TM9SF2: variants seen among roughly 807,000 people sequenced by gnomAD.
The protein encoded by TM9SF2 is 76 kDa membrane protein.
Under a neutral mutation model 84.9 loss-of-function variants are expected in TM9SF2, and 13 were observed. That is an observed-to-expected ratio of 0.15 (90% CI 0.10 to 0.24). TM9SF2 has a LOEUF of 0.24. Ranked by LOEUF, TM9SF2 falls within the 10% of genes least tolerant of loss-of-function variation. TM9SF2 has a pLI of 1.00. For synonymous variants in TM9SF2, 273 were observed against 285.8 expected (o/e 0.96, Z 0.45); for missense variants, 562 against 818.5 (o/e 0.69, Z 3.82).
intron 8 of TM9SF2, among the ~76,000 whole-genome samples, 160 bp downstream of exon 8, chr13:99,540,953 C>G (rs2046256618): frequency 6.6e-6 from 1 of 152,254 alleles, no homozygotes; most frequent in Non-Finnish European, 1.5e-5. Context: ...CAGCAGGTCC[C>G]TTAATTTCTC....
At position 99,520,046 on chromosome 13, in the gene TM9SF2, T is replaced by G; in HGVS notation, c.250T>G (p.Cys84Gly). The change falls in exon 3 of 17, where the codon TGC becomes GGC. Residue 84 changes from cysteine (C) to glycine (G), a missense_variant. Physicochemically the swap from Cys to Gly is radical, Grantham distance 159. Coordinates refer to ENST00000376387, the MANE Select transcript of TM9SF2 (RefSeq NM_004800.3). ...LPYEYTAFDF[C>G]QASEGKRPSE... Reference sequence around the variant, plus strand: ...ATATTCTTCTCCCAGGTTTGATTTTTGCCAAGCATCAGAAGGAAAGCGCCC... The same window carrying G: ...ATATTCTTCTCCCAGGTTTGATTTTGGCCAAGCATCAGAAGGAAAGCGCCC... The G allele has an allele frequency of 6.2e-7, 1 of 1,612,980 alleles. No homozygotes were observed. The highest frequency in any genetic ancestry group is 8.5e-7 in the Non-Finnish European group (1 of 1,179,680).
At chr13:99,512,936 A>G (rs183663337) in intron 1 of TM9SF2, among the ~76,000 whole-genome samples, 1 of 152,344 alleles carries the variant, frequency 6.6e-6, no homozygotes, top group African/African-American at 2.4e-5. Flanking sequence ...TGCTAGTGGT[A>G]CAAATCTCTG....
intron 16 of TM9SF2, among the ~76,000 whole-genome samples, chr13:99,562,116 C>T (rs866244098): frequency 6.6e-6 from 1 of 152,186 alleles, no homozygotes; most frequent in Non-Finnish European, 1.5e-5. Flanking sequence ...ATGACACACA[C>T]AGTTTGTGAC....
In TM9SF2 at chr13:99,562,750, G is replaced by T; in HGVS notation, c.1984G>T (p.Val662Phe). Residue 662 changes from valine (V) to phenylalanine (F), a missense_variant, in exon 17 of 17, where the codon GTT becomes TTT. Coordinates refer to ENST00000376387, the MANE Select transcript of TM9SF2 (RefSeq NM_004800.3). Reference sequence around the variant, plus strand: ...TACCAAAATATACAGTGTGGTGAAGGTTGACTGAAGAAGTCCAGTGTGTCC... The same window carrying T: ...TACCAAAATATACAGTGTGGTGAAGTTTGACTGAAGAAGTCCAGTGTGTCC... ...FVTKIYSVVK[V>F]D The T allele has an allele frequency of 6.2e-7, 1 of 1,613,084 alleles. No homozygotes were observed. Among genetic ancestry groups the T allele is most frequent in the East Asian group, 2.2e-5 (1 of 44,754 alleles).
intron 6 of TM9SF2, 114 bp downstream of exon 6, chr13:99,537,977 C>G: frequency 1.5e-6 from 2 of 1,345,556 alleles, no homozygotes; most frequent in Non-Finnish European, 2.0e-6. Flanking sequence ...ATTGATTTCA[C>G]TAAAACTCCC....
At chr13:99,538,574 T>A (rs2046244551) in intron 6 of TM9SF2, among the ~76,000 whole-genome samples, 1 of 151,880 alleles carries the variant, frequency 6.6e-6, no homozygotes, top group South Asian at 2.1e-4. Flanking sequence ...GGCAGGAGGA[T>A]CACTTGAGGC....
intron 13 of TM9SF2, among the ~76,000 whole-genome samples, chr13:99,552,981 G>A (rs145408423): frequency 8.6e-4 from 131 of 152,306 alleles, no homozygotes; most frequent in African/African-American, 2.8e-3. Context: ...AATTGTATCT[G>A]CTGGAAATAA....
intron 12 of TM9SF2, 63 bp downstream of exon 12, chr13:99,549,285 G>C: frequency 7.4e-7 from 1 of 1,347,016 alleles, no homozygotes; most frequent in East Asian, 2.3e-5. Flanking sequence ...CAAATTTTCA[G>C]TCGTTGAGTC....
At chr13:99,537,916 A>G (rs2139095558) in intron 6 of TM9SF2, 53 bp downstream of exon 6, 1 of 1,554,156 alleles carries the variant, frequency 6.4e-7, no homozygotes, top group East Asian at 2.3e-5. Flanking sequence ...TTTAGACCCA[A>G]AGAATAAGTA....
intron 3 of TM9SF2, among the ~76,000 whole-genome samples, chr13:99,522,082 A>T (rs1006584254): frequency 6.6e-6 from 1 of 152,062 alleles, no homozygotes; most frequent in East Asian, 1.9e-4. Flanking sequence ...GTGCAGTGGC[A>T]AGATCTCAGC....
rs76352380 is a variant in TM9SF2, at chr13:99,509,672, C to A, written c.171+7895C>A. Among the ~76,000 whole-genome samples, 771 of 152,316 alleles carry A rather than the reference C, an allele frequency of 5.1e-3. 5 individuals carry two copies. The highest frequency in any genetic ancestry group is 0.037 in the East Asian group (190 of 5,182). ...TGGGGCCCTGGGTCTGACCTATAAACCCATTCAGTCCTCCTGGGCCTCTGG... is the reference window on the plus strand; with the variant it reads ...TGGGGCCCTGGGTCTGACCTATAAAACCATTCAGTCCTCCTGGGCCTCTGG... On this transcript the variant is annotated intron_variant, in intron 1 of 16. Coordinates refer to ENST00000376387, the MANE Select transcript of TM9SF2 (RefSeq NM_004800.3).
intron 13 of TM9SF2, among the ~76,000 whole-genome samples, chr13:99,553,787 C>T (rs955270993): frequency 2.0e-5 from 3 of 152,098 alleles, no homozygotes; most frequent in Non-Finnish European, 2.9e-5. Flanking sequence ...GGAGAATAGT[C>T]GAGAACATCA....
chr13:99,536,748 G>T lies in TM9SF2; in HGVS notation c.591+11G>T. 2 of 1,611,470 alleles carry T rather than the reference G, an allele frequency of 1.2e-6. No homozygotes were observed. The highest frequency in any genetic ancestry group is 2.2e-5 in the South Asian group (2 of 90,732). On this transcript the variant is annotated intron_variant, in intron 5 of 16. Coordinates refer to ENST00000376387, the MANE Select transcript of TM9SF2 (RefSeq NM_004800.3). ...GCCTGTGTTATTAGTGTAAGTTCAT[G>T]ATAAACTCTTTGCTGCTTTTTAAAA...
At chr13:99,514,384 T>A (rs547857332) in intron 1 of TM9SF2, 44 of 152,348 alleles carry the variant, frequency 2.9e-4, no homozygotes, top group African/African-American at 1.0e-3. Context: ...CTATTCTATG[T>A]TTAGATGTGT....
intron 6 of TM9SF2, 38 bp downstream of exon 6, chr13:99,537,901 T>G (rs2046241374): frequency 6.3e-7 from 1 of 1,578,252 alleles, no homozygotes; most frequent in Non-Finnish European, 8.6e-7. Context: ...CAAGTATAAG[T>G]GAAATTTAGA....
intron 5 of TM9SF2, among the ~76,000 whole-genome samples, chr13:99,537,365 A>G (rs2046239116): frequency 6.6e-6 from 1 of 152,208 alleles, no homozygotes; most frequent in Non-Finnish European, 1.5e-5. Context: ...AATTTAGGTT[A>G]TGAGTTTAGT....
At chr13:99,513,944 A>G (rs1223670865) in intron 1 of TM9SF2, among the ~76,000 whole-genome samples, 1 of 152,184 alleles carries the variant, frequency 6.6e-6, no homozygotes, top group Non-Finnish European at 1.5e-5. Flanking sequence ...TTACAGGAAA[A>G]GTTTGCCAGC....
rs1390573130 is a variant in TM9SF2, at chr13:99,564,013, G to C, written c.*1255G>C. The C allele has an allele frequency of 2.0e-5, 3 of 151,520 alleles. No homozygotes were observed. The highest frequency in any genetic ancestry group is 2.1e-4 in the South Asian group (1 of 4,802). 9.4% of individuals were successfully genotyped at this position (151,520 alleles called of 1,614,324 possible). A position where few individuals can be genotyped will look rare whatever the true frequency, so the allele number is the denominator to read the frequency against. ...AAACTTACAACTAAAATTACTAGCT[G>C]TCACTTATATGATATTGCTGGGTTC... On this transcript the variant is annotated 3_prime_UTR_variant, in exon 17 of 17. Coordinates refer to ENST00000376387, the MANE Select transcript of TM9SF2 (RefSeq NM_004800.3).
chr13:99,532,418 C>T (rs924173099), intron 4 of TM9SF2, among the ~76,000 whole-genome samples: 2 of 152,122 alleles, frequency 1.3e-5, no homozygotes, highest in African/African-American at 4.8e-5. Flanking sequence ...AGCCCGGCAC[C>T]GTGGCTCATG....
Sources: gnomAD v4.1 joint callset for allele counts (sites outside exome capture counted in the v4.1 genomes callset) on GRCh38, gnomAD v4.1.1 for gene constraint, MANE v1.5 for transcripts, NCBI Gene and HGNC (gene_info 2026-07-23, HGNC 2026-07-21) for gene names.